The following RABGAP1L variants were observed in gnomAD, a reference collection of about 807,000 sequenced individuals.
RABGAP1L encodes rab GTPase-activating protein 1-like.
Under a neutral mutation model 137.7 loss-of-function variants are expected in RABGAP1L, and 63 were observed. The ratio of observed to expected loss-of-function variants is 0.46; its 90% CI spans 0.37 to 0.56. RABGAP1L has a LOEUF of 0.56. Among genes scored for constraint, RABGAP1L ranks in the 20% least tolerant of loss-of-function variants. RABGAP1L has a pLI of 0.00. For missense variants in RABGAP1L, 1,095 were observed against 1,244.0 expected (o/e 0.88, Z 1.80); for synonymous variants, 431 against 433.7 (o/e 0.99, Z 0.08).
chr1:174,673,378 AT>A (rs1447534584), intron 14 of RABGAP1L, among the ~76,000 whole-genome samples: 3 of 151,394 alleles, frequency 2.0e-5, no homozygotes, highest in Admixed American at 6.6e-5. Flanking sequence ...CCATAATATG[AT>A]TTTTTTTTAG....
intron 11 of RABGAP1L, among the ~76,000 whole-genome samples, chr1:174,319,959 T>C (rs1046622404): frequency 1.3e-5 from 2 of 152,168 alleles, no homozygotes; most frequent in African/African-American, 4.8e-5. Context: ...TTTGCATCTT[T>C]AATATATGAA....
Position 174,241,338 on chromosome 1 carries a change from C to G in RABGAP1L, c.543-145C>G, listed in dbSNP as rs562501298. The G allele has an allele frequency of 5.7e-6, 3 of 528,252 alleles. No homozygotes were observed. In the South Asian group the frequency reaches 1.6e-4, roughly 29 times the overall value. 32.7% of individuals were successfully genotyped at this position (528,252 alleles called of 1,614,324 possible). A position where few individuals can be genotyped will look rare whatever the true frequency, so the allele number is the denominator to read the frequency against. ...CTGTTTCAAACAAAACAAAACAAAA[C>G]AAAAAAGATAGTTATTTTATATATC... On this transcript the variant is annotated intron_variant, in intron 4 of 25. Transcript: ENST00000681986.
intron 13 of RABGAP1L, among the ~76,000 whole-genome samples, chr1:174,475,904 G>A (rs568752493): frequency 3.4e-5 from 5 of 148,994 alleles, no homozygotes; most frequent in Admixed American, 2.0e-4. Context: ...TAACTTATTA[G>A]AACATTATAT....
intron 14 of RABGAP1L, among the ~76,000 whole-genome samples, chr1:174,645,569 A>G (rs1249347309): frequency 1.3e-5 from 2 of 152,096 alleles, no homozygotes; most frequent in East Asian, 1.9e-4. Flanking sequence ...TTATGGCTGC[A>G]TAGTATTCCA....
chr1:174,558,473 A>G (rs1217063364), intron 13 of RABGAP1L, among the ~76,000 whole-genome samples: 2 of 152,216 alleles, frequency 1.3e-5, no homozygotes, highest in Non-Finnish European at 2.9e-5. Flanking sequence ...AGAGACAAAT[A>G]TTCTTTCTGT....
chr1:174,897,577 T>A (rs1463535274), intron 19 of RABGAP1L: 1 of 152,216 alleles, frequency 6.6e-6, no homozygotes, highest in East Asian at 1.9e-4. Flanking sequence ...CTGACCACAT[T>A]GCTGTAAGTG....
At chr1:174,272,773 G>T (rs1674668507) in intron 8 of RABGAP1L, among the ~76,000 whole-genome samples, 1 of 151,952 alleles carries the variant, frequency 6.6e-6, no homozygotes, top group African/African-American at 2.4e-5. Context: ...GTAGTAACAA[G>T]TACATGATTA....
chr1:174,616,042 A>T (rs773669274), intron 13 of RABGAP1L, among the ~76,000 whole-genome samples: 1 of 152,080 alleles, frequency 6.6e-6, no homozygotes, highest in Non-Finnish European at 1.5e-5. Context: ...GAGTGAGGCA[A>T]TGTCTTGCCC....
At chr1:174,465,948 CA>C (rs1657249857) in intron 13 of RABGAP1L, among the ~76,000 whole-genome samples, 4 of 152,186 alleles carry the variant, frequency 2.6e-5, no homozygotes, top group Admixed American at 2.6e-4. Flanking sequence ...GAAGGAGACA[CA>C]AAAATTTAGA....
chr1:174,944,859 G>C (rs1168366432), intron 19 of RABGAP1L, among the ~76,000 whole-genome samples: 1 of 152,110 alleles, frequency 6.6e-6, no homozygotes, highest in African/African-American at 2.4e-5. Flanking sequence ...TTATACATTA[G>C]TTTCAAATTA....
At chr1:174,615,021 G>C (rs1671668045) in intron 13 of RABGAP1L, among the ~76,000 whole-genome samples, 1 of 152,124 alleles carries the variant, frequency 6.6e-6, no homozygotes, top group African/African-American at 2.4e-5. Flanking sequence ...CCTTTGGTTT[G>C]AATTTCATCC....
chr1:174,511,838 C>T (rs770604870), intron 13 of RABGAP1L, among the ~76,000 whole-genome samples: 5 of 152,026 alleles, frequency 3.3e-5, no homozygotes, highest in Admixed American at 2.0e-4. Context: ...AGGCTGGTCA[C>T]GAACTCCTGA....
intron 13 of RABGAP1L, among the ~76,000 whole-genome samples, chr1:174,498,377 C>A (rs1031164083): frequency 2.0e-5 from 3 of 152,086 alleles, no homozygotes; most frequent in African/African-American, 7.2e-5. Flanking sequence ...GTTTTACAAG[C>A]TTCATTTTAA....
chr1:174,852,141 T>C (rs893577472), intron 19 of RABGAP1L, among the ~76,000 whole-genome samples: 9 of 152,234 alleles, frequency 5.9e-5, no homozygotes, highest in African/African-American at 2.2e-4. Flanking sequence ...GATAGTACTT[T>C]TGTAAACTTT....
At chr1:174,335,367 C>T (rs1224615196) in intron 11 of RABGAP1L, among the ~76,000 whole-genome samples, 1 of 152,082 alleles carries the variant, frequency 6.6e-6, no homozygotes, top group African/African-American at 2.4e-5. Context: ...TGTAATTTAA[C>T]TAAAAAGGGA....
At chr1:174,622,301 C>T (rs1248004920) in intron 13 of RABGAP1L, among the ~76,000 whole-genome samples, 1 of 152,178 alleles carries the variant, frequency 6.6e-6, no homozygotes, top group Non-Finnish European at 1.5e-5. Context: ...TGTGGTGATT[C>T]CTCAAGGATC....
chr1:174,207,176 C>T (rs1163957647), intron 1 of RABGAP1L, among the ~76,000 whole-genome samples: 4 of 152,020 alleles, frequency 2.6e-5, no homozygotes, highest in Admixed American at 6.6e-5. Context: ...AATCTTTTGT[C>T]AGATTTTATA....
chr1:174,679,578 T>C (rs1385716341), intron 14 of RABGAP1L, among the ~76,000 whole-genome samples: 1 of 152,184 alleles, frequency 6.6e-6, no homozygotes, highest in Non-Finnish European at 1.5e-5. Flanking sequence ...TACAGTGTAA[T>C]ATAGTACTGG....
At chr1:174,318,408 G>A (rs567499012) in intron 11 of RABGAP1L, among the ~76,000 whole-genome samples, 5 of 152,044 alleles carry the variant, frequency 3.3e-5, no homozygotes, top group Non-Finnish European at 5.9e-5. Flanking sequence ...CTCCTTACTG[G>A]TAAAGTGAGT....
Sources: gnomAD v4.1 joint callset for allele counts (sites outside exome capture counted in the v4.1 genomes callset) on GRCh38, gnomAD v4.1.1 for gene constraint, MANE v1.5 for transcripts, NCBI Gene and HGNC (gene_info 2026-07-23, HGNC 2026-07-21) for gene names.